CUL9: variants seen among roughly 807,000 people sequenced by gnomAD.
CUL9 encodes cullin 9.
In CUL9, 79 loss-of-function variants were observed where a neutral mutation model predicts 272.6. The ratio of observed to expected loss-of-function variants is 0.29; its 90% confidence interval spans 0.24 to 0.35. CUL9 has a LOEUF of 0.35. Ranked by LOEUF, CUL9 falls within the 10% of genes least tolerant of loss-of-function variation. CUL9 has a pLI of 1.00. For synonymous variants in CUL9, 1,186 were observed against 1,286.5 expected (o/e 0.92, Z 1.67); for missense variants, 2,532 against 3,255.6 (o/e 0.78, Z 5.41).
In CUL9 at chr6:43,199,916, G is replaced by A. The variant is rs1177863881; in HGVS notation, c.3157-13G>A. The A allele has an allele frequency of 6.2e-7, 1 of 1,600,854 alleles. No homozygotes were observed. Among genetic ancestry groups the A allele is most frequent in the South Asian group, 1.1e-5 (1 of 90,840 alleles). ...TGTTTCCTGTAAATTAATCTATGTG[G>A]CTCTGGGCTCAGATTGTTCAGGAGC... On this transcript the variant is annotated splice_polypyrimidine_tract_variant and intron_variant, in intron 13 of 40. Coordinates refer to ENST00000252050, the MANE Select transcript of CUL9 (RefSeq NM_015089.4). This position sits in a 1 kb window ranked among gnomAD's most constrained non-coding sequence, Gnocchi z 4.4.
intron 8 of CUL9, among the ~76,000 whole-genome samples, chr6:43,189,667 C>A (rs562692048): frequency 6.6e-6 from 1 of 152,276 alleles, no homozygotes; most frequent in East Asian, 1.9e-4. Flanking sequence ...TCTCAGCCTC[C>A]CAAGTAGCTG....
intron 16 of CUL9, among the ~76,000 whole-genome samples, chr6:43,202,377 T>C (rs1774674403): frequency 6.6e-6 from 1 of 152,160 alleles, no homozygotes; most frequent in Non-Finnish European, 1.5e-5. Flanking sequence ...AATTTTCAGT[T>C]GAAACTGTGG....
chr6:43,187,916 AGAG>A lies in CUL9; in HGVS notation c.1789_1791del (p.Glu597del), dbSNP rs1773076829. On this transcript the variant is annotated inframe_deletion, in exon 7 of 41. Transcript: ENST00000252050. ...ATCACTCCTGTACCCCAGATCCAGAAGAGGAGTCCAAGTCGGAGGCCAGCTTCT... is the reference window on the plus strand; with the variant it reads ...ATCACTCCTGTACCCCAGATCCAGAAGAGTCCAAGTCGGAGGCCAGCTTCT... 2 of 1,614,092 alleles carry A rather than the reference AGAG, an allele frequency of 1.2e-6. No homozygotes were observed. The highest frequency in any genetic ancestry group is 1.7e-6 in the Non-Finnish European group (2 of 1,180,008).
chr6:43,200,914 A>G lies in CUL9; in HGVS notation c.3647+80A>G, dbSNP rs987537381. 6 of 1,556,462 alleles carry G rather than the reference A, an allele frequency of 3.9e-6. No individual in the cohort carries two copies. The African/African-American group carries it at 5.4e-5, about 14-fold the overall frequency. ...CACCCAGATACACACAACCCCAGCT[A>G]TAACCCCAATGCCTGAGGGACACAC... On this transcript the variant is annotated intron_variant, in intron 16 of 40. Coordinates refer to ENST00000252050, the MANE Select transcript of CUL9 (RefSeq NM_015089.4). This position sits in a 1 kb window ranked among gnomAD's most constrained non-coding sequence, Gnocchi z 4.0.
intron 24 of CUL9, among the ~76,000 whole-genome samples, chr6:43,205,671 A>C (rs1352830629): frequency 6.6e-6 from 1 of 152,044 alleles, no homozygotes; most frequent in Non-Finnish European, 1.5e-5. Context: ...AAATACAAAA[A>C]TTAGCCAGGT....
chr6:43,202,685 A>G (rs1166995127), intron 16 of CUL9, 31 bp from the exon 17 acceptor site: 1 of 1,599,316 alleles, frequency 6.3e-7, no homozygotes, highest in Non-Finnish European at 8.6e-7. Context: ...CCAGAGGCCC[A>G]GCTTTGACTG....
intron 9 of CUL9, among the ~76,000 whole-genome samples, chr6:43,194,804 C>A (rs746101557): frequency 1.4e-4 from 21 of 152,004 alleles, no homozygotes; most frequent in Non-Finnish European, 2.2e-4. Flanking sequence ...GCCTGTAATC[C>A]CAGCACTTTG....
At position 43,193,044 on chromosome 6, in the gene CUL9, G is replaced by C. The variant is rs1335566094; in HGVS notation, c.2224G>C (p.Val742Leu). ...GCTGGTGGAGCTGCTGACCAACCAG[G>C]TGGGAGAGAAGATGGTGGTCGTGCA... ...KMLVELLTNQ[V>L]GEKMVVVQAL... is the part of the protein sequence containing the mutation. The change falls in exon 9 of 41, where the codon GTG becomes CTG. Residue 742 changes from valine (V) to leucine (L), a missense_variant. By Grantham distance (32) the Val-to-Leu change is conservative. This residue lies in a region of CUL9 where 2,218 missense variants were observed against 2,788.6 expected (regional missense o/e 0.80). Coordinates refer to ENST00000252050, the MANE Select transcript of CUL9 (RefSeq NM_015089.4). 6.2e-7 allele frequency: 1 copy of C among 1,614,060 alleles called. No individual in the cohort carries two copies. Among genetic ancestry groups the C allele is most frequent in the Non-Finnish European group, 8.5e-7 (1 of 1,180,020 alleles).
rs1391589085 is a variant in CUL9 at position 43,215,175 on chromosome 6, T to G, written c.5785T>G (p.Cys1929Gly). ...CTGTACCAGTACAGATGTCCTCTCT[T>G]GCATCCTGCACCTCTTAGGCCAGGG... ...VACTSTDVLSCILHLLGQGYV... is the reference protein window; with the variant it reads ...VACTSTDVLSGILHLLGQGYV... The change falls in exon 30 of 41, where the codon TGC becomes GGC. Residue 1929 changes from cysteine to glycine, a missense_variant. Physicochemically the swap from Cys to Gly is radical, Grantham distance 159. Around this residue, in one of 3 missense-constraint regions of CUL9, gnomAD observed 2,218 missense variants for 2,788.6 expected, o/e 0.80. Transcript: ENST00000252050. The G allele has an allele frequency of 3.7e-6, 6 of 1,614,104 alleles. No homozygotes were observed. The highest frequency in any genetic ancestry group is 4.2e-6 in the Non-Finnish European group (5 of 1,180,040).
intron 26 of CUL9, among the ~76,000 whole-genome samples, chr6:43,209,139 C>T (rs1775265122): frequency 6.8e-6 from 1 of 148,004 alleles, no homozygotes; most frequent in Admixed American, 6.8e-5. Context: ...TTTTTTCTTT[C>T]TTTCTTTCTT....
At chr6:43,216,016 T>G in intron 30 of CUL9, 142 bp from the exon 31 acceptor site, 2 of 689,500 alleles carry the variant, frequency 2.9e-6, no homozygotes, top group African/African-American at 1.8e-5. Flanking sequence ...GCTCTGACGG[T>G]TGGTTTGGGT....
rs1410737160 is a variant in CUL9 at position 43,221,904 on chromosome 6, A to C, written c.6846+126A>C. 5 of 821,810 alleles carry C rather than the reference A, an allele frequency of 6.1e-6. No individual in the cohort carries two copies. Among genetic ancestry groups the C allele is most frequent in the Middle Eastern group, 3.2e-4 (1 of 3,112 alleles). 50.9% of individuals were successfully genotyped at this position (821,810 alleles called of 1,614,324 possible). On this transcript the variant is annotated intron_variant, in intron 35 of 40. Coordinates refer to ENST00000252050, the MANE Select transcript of CUL9 (RefSeq NM_015089.4). This position sits in a 1 kb window ranked among gnomAD's most constrained non-coding sequence, Gnocchi z 4.2. ...ATTCTAGCTGTTGGGATAGAGGCTC[A>C]CTGTGGGGAAGACAGAGCCACCTGG...
In CUL9 at chr6:43,214,409, T is replaced by G. The variant is rs532560261; in HGVS notation, c.5688+497T>G. Reference sequence around the variant, plus strand: ...CCCAGCCTGGGCAACAGAGCAAGACTCTGTCTCAAAAAGAAAAAAAGTCAT... The same window carrying G: ...CCCAGCCTGGGCAACAGAGCAAGACGCTGTCTCAAAAAGAAAAAAAGTCAT... On this transcript the variant is annotated intron_variant, in intron 29 of 40. Transcript: ENST00000252050. Among the ~76,000 whole-genome samples, 54 of 152,208 alleles carry G rather than the reference T, an allele frequency of 3.5e-4. 1 individual carries two copies. The South Asian group carries it at 0.011, about 31-fold the overall frequency.
intron 12 of CUL9, 87 bp downstream of exon 12, chr6:43,198,942 T>C: frequency 7.2e-7 from 1 of 1,388,510 alleles, no homozygotes; most frequent in African/African-American, 1.5e-5. Flanking sequence ...CTGTTTTCTT[T>C]TTTTTTTTTT....
chr6:43,190,018 T>A (rs1167211960), intron 8 of CUL9, among the ~76,000 whole-genome samples: 1 of 27,156 alleles, frequency 3.7e-5, no homozygotes. Flanking sequence ...TTTCTACAAC[T>A]TTTTTTTTTT....
In CUL9 at chr6:43,206,533, T is replaced by C. The variant is rs1474051264; in HGVS notation, c.5212+23T>C. On this transcript the variant is annotated intron_variant, in intron 26 of 40. Coordinates refer to ENST00000252050, the MANE Select transcript of CUL9 (RefSeq NM_015089.4). This position sits in a 1 kb window ranked among gnomAD's most constrained non-coding sequence, Gnocchi z 4.8. ...AGAGTGAGGAACTAGGGAGAGGAAA[T>C]TGGAGATCGGGGTGAGATTCGGGGT... 3 of 1,610,814 alleles carry C rather than the reference T, an allele frequency of 1.9e-6. No individual in the cohort carries two copies. The highest frequency in any genetic ancestry group is 1.6e-4 in the Middle Eastern group (1 of 6,076).
At chr6:43,201,738 C>T (rs1176005918) in intron 16 of CUL9, among the ~76,000 whole-genome samples, 1 of 152,230 alleles carries the variant, frequency 6.6e-6, no homozygotes, top group East Asian at 1.9e-4. Context: ...CTTGGCCTCC[C>T]AAAGTGCTGG....
At chr6:43,210,561 A>G (rs1479446514) in intron 26 of CUL9, among the ~76,000 whole-genome samples, 1 of 152,210 alleles carries the variant, frequency 6.6e-6, no homozygotes, top group African/African-American at 2.4e-5. Context: ...TCATGCCAGT[A>G]TTCTAATTTT....
chr6:43,206,558 TG>T lies in CUL9; in HGVS notation c.5212+50del. 6.3e-7 allele frequency: 1 copy of T among 1,582,878 alleles called. No homozygotes were observed. The stretch of plus-strand genomic sequence containing the variant: ...TTGGAGATCGGGGTGAGATTCGGGG[TG>T]GCAAGAGAGGAAGAGGAGAGGACCT... On this transcript the variant is annotated intron_variant, in intron 26 of 40. Transcript: ENST00000252050. The surrounding 1 kb of genome is among the most constrained non-coding windows in gnomAD (Gnocchi z 4.8).
Sources: allele counts gnomAD v4.1 joint callset (sites outside exome capture counted in the v4.1 genomes callset), GRCh38; gene constraint gnomAD v4.1.1; regional missense constraint gnomAD v4.1.1; non-coding constraint Gnocchi (gnomAD v3.1); transcripts MANE v1.5; gene names NCBI Gene and HGNC (gene_info 2026-07-23, HGNC 2026-07-21).